The following PAK3 variants were observed in gnomAD, a reference collection of about 807,000 sequenced individuals.
The protein encoded by PAK3 is serine/threonine-protein kinase PAK 3.
PAK3 carries 4 observed loss-of-function variants against 41.0 expected under a neutral mutation model. The ratio of observed to expected loss-of-function variants is 0.10; its 90% CI spans 0.05 to 0.22. The LOEUF (loss-of-function observed/expected upper bound fraction) is 0.22. Ranked by LOEUF, PAK3 falls within the 10% of genes least tolerant of loss-of-function variation. The pLI is 1.00. For synonymous variants in PAK3, 146 were observed against 139.6 expected, an observed-to-expected ratio of 1.05 and a Z score of -0.32; for missense variants, 205 against 409.9, an observed-to-expected ratio of 0.50 and a Z score of 4.32.
chrX:110,953,581 A>G (rs1486363924), intron 1 of PAK3, among the ~76,000 whole-genome samples: 1 of 112,110 alleles, frequency 8.9e-6, no homozygotes, highest in Non-Finnish European at 1.9e-5. Context: ...TTGGGAGAAG[A>G]CTGGAACACC....
intron 5 of PAK3, among the ~76,000 whole-genome samples, chrX:111,130,997 C>G (rs971939524): frequency 9.0e-6 from 1 of 111,695 alleles, no homozygotes; most frequent in African/African-American, 3.3e-5. Context: ...TTGGATCCCC[C>G]AACTCCTAGT....
At chrX:111,170,995 A>G (rs775533427) in intron 10 of PAK3, among the ~76,000 whole-genome samples, 1 of 110,927 alleles carries the variant, frequency 9.0e-6, no homozygotes, top group East Asian at 2.9e-4. Context: ...TCACTCTGAT[A>G]TAGGGTTATT....
intron 1 of PAK3, among the ~76,000 whole-genome samples, chrX:111,031,187 G>T (rs1243838611): frequency 8.9e-6 from 1 of 112,196 alleles, no homozygotes; most frequent in Non-Finnish European, 1.9e-5. Flanking sequence ...TAGTGAAATA[G>T]ATATGTGGAA....
chrX:110,963,405 G>C (rs1287974119), intron 1 of PAK3, among the ~76,000 whole-genome samples: 2 of 111,658 alleles, frequency 1.8e-5, no homozygotes, highest in Non-Finnish European at 3.8e-5. Flanking sequence ...TCAGGCTGTA[G>C]GCTTTTCATC....
chrX:111,026,309 A>C (rs758710085), intron 1 of PAK3, among the ~76,000 whole-genome samples: 1 of 111,752 alleles, frequency 8.9e-6, no homozygotes, highest in South Asian at 3.7e-4. Context: ...AGCCAGAGCA[A>C]TCAGACAAGA....
intron 8 of PAK3, among the ~76,000 whole-genome samples, chrX:111,159,759 T>G (rs1411027888): frequency 8.9e-6 from 1 of 112,136 alleles, no homozygotes; most frequent in Non-Finnish European, 1.9e-5. Flanking sequence ...TATGGCTAAA[T>G]TAAGAATAAA....
chrX:111,110,663 T>C (rs2093354941), intron 4 of PAK3, among the ~76,000 whole-genome samples: 1 of 110,941 alleles, frequency 9.0e-6, no homozygotes, highest in African/African-American at 3.3e-5. Flanking sequence ...AAAATCTTTC[T>C]TGAGGCATAA....
At chrX:111,089,532 G>T (rs2092913953) in intron 1 of PAK3, among the ~76,000 whole-genome samples, 1 of 111,595 alleles carries the variant, frequency 9.0e-6, no homozygotes, top group African/African-American at 3.3e-5. Context: ...AGACCAGTTT[G>T]TTCATCAACA....
chrX:111,082,703 G>A (rs1280903461), intron 1 of PAK3, among the ~76,000 whole-genome samples: 4 of 112,000 alleles, frequency 3.6e-5, no homozygotes, highest in African/African-American at 9.7e-5. Context: ...GAATTCATTT[G>A]CACCCATGCC....
intron 10 of PAK3, among the ~76,000 whole-genome samples, chrX:111,170,948 C>A (rs2094330863): frequency 9.0e-6 from 1 of 110,952 alleles, no homozygotes; most frequent in Non-Finnish European, 1.9e-5. Context: ...CTGCAGTGGG[C>A]AGGAGCTTTT....
chrX:111,058,080 T>G (rs1386672272), intron 1 of PAK3, among the ~76,000 whole-genome samples: 2 of 112,347 alleles, frequency 1.8e-5, no homozygotes, highest in African/African-American at 6.5e-5. Context: ...TCATGCAACA[T>G]TTGATGGACA....
chrX:111,196,854 C>CTTTTTTTTTTTTTTTTTTTTTTT (rs375476309), intron 16 of PAK3, among the ~76,000 whole-genome samples: 1 of 79,238 alleles, frequency 1.3e-5, no homozygotes, highest in East Asian at 4.1e-4. Context: ...TTCTTTCTTT[C>CTTTTTTTTTTTTTTTTTTTTTTT]TTTTTTTTTT....
At chrX:110,988,222 G>C (rs1165131186) in intron 1 of PAK3, among the ~76,000 whole-genome samples, 1 of 111,690 alleles carries the variant, frequency 9.0e-6, no homozygotes, top group Non-Finnish European at 1.9e-5. Flanking sequence ...AGGACTCCAC[G>C]GTATTCTGAT....
At chrX:111,037,474 T>A (rs1326250055) in intron 1 of PAK3, among the ~76,000 whole-genome samples, 1 of 111,585 alleles carries the variant, frequency 9.0e-6, no homozygotes, top group Non-Finnish European at 1.9e-5. Flanking sequence ...ATTGTGGCTT[T>A]ACCACTCAAA....
At chrX:111,169,040 C>T (rs966638051) in intron 10 of PAK3, among the ~76,000 whole-genome samples, 1 of 111,591 alleles carries the variant, frequency 9.0e-6, no homozygotes, top group African/African-American at 3.3e-5. Context: ...AAAATATATT[C>T]TCCAACCCTT....
intron 1 of PAK3, among the ~76,000 whole-genome samples, chrX:111,062,612 C>G (rs17254985): frequency 0.056 from 6,249 of 110,945 alleles, 200 homozygotes; most frequent in Non-Finnish European, 0.087. Context: ...TCAGGCTTAC[C>G]AGGAAGTAGC....
At chrX:111,043,655 C>T (rs1413346268) in intron 1 of PAK3, among the ~76,000 whole-genome samples, 1 of 112,259 alleles carries the variant, frequency 8.9e-6, no homozygotes, top group African/African-American at 3.2e-5. Flanking sequence ...TAGTGAGAAT[C>T]CTGAGGCATT....
At chrX:111,170,370 A>C (rs1248120988) in intron 10 of PAK3, among the ~76,000 whole-genome samples, 1 of 110,914 alleles carries the variant, frequency 9.0e-6, no homozygotes, top group Non-Finnish European at 1.9e-5. Flanking sequence ...ATTAAAAAAA[A>C]AACCAACAAC....
intron 11 of PAK3, among the ~76,000 whole-genome samples, chrX:111,178,104 T>A (rs2094425805): frequency 9.0e-6 from 1 of 111,014 alleles, no homozygotes; most frequent in African/African-American, 3.3e-5. Flanking sequence ...TCCCCCTGAA[T>A]ACTGGACATG....
Sources: gnomAD v4.1 joint callset for allele counts (sites outside exome capture counted in the v4.1 genomes callset) on GRCh38, gnomAD v4.1.1 for gene constraint, MANE v1.5 for transcripts, NCBI Gene and HGNC (gene_info 2026-07-23, HGNC 2026-07-21) for gene names.